The following RAB20 variants were observed in gnomAD, a reference collection of about 807,000 sequenced individuals.
RAB20 encodes RAB20, member RAS oncogene family.
Under a neutral mutation model 3.7 loss-of-function variants are expected in RAB20, and 2 were observed. The ratio of observed to expected loss-of-function variants is 0.54; its 90% CI spans 0.22 to 1.69. RAB20 has a LOEUF of 1.69. Ranked by LOEUF, RAB20 falls within the 40% of genes most tolerant of loss-of-function variation. The pLI, the probability that RAB20 is intolerant of heterozygous loss-of-function variation, is 0.19. For missense variants in RAB20, 276 were observed against 311.9 expected, an observed-to-expected ratio of 0.88 and a Z score of 0.87; for synonymous variants, 126 against 130.8, an observed-to-expected ratio of 0.96 and a Z score of 0.25.
chr13:110,527,059 A>G (rs1438612830), intron 1 of RAB20, among the ~76,000 whole-genome samples: 1 of 152,034 alleles, frequency 6.6e-6, no homozygotes, highest in Admixed American at 6.6e-5. Flanking sequence ...ACCTGCACAC[A>G]TGTGGCTCTC....
At chr13:110,524,928 A>T (rs1260961367) in intron 1 of RAB20, among the ~76,000 whole-genome samples, 2 of 152,244 alleles carry the variant, frequency 1.3e-5, no homozygotes. Context: ...GGTTTAAAAC[A>T]GACAGAGGTG....
intron 1 of RAB20, among the ~76,000 whole-genome samples, chr13:110,528,498 A>G (rs1458895783): frequency 6.6e-6 from 1 of 151,836 alleles, no homozygotes; most frequent in African/African-American, 2.4e-5. Context: ...TTTCAGGGAC[A>G]CTAATCCCAT....
intron 1 of RAB20, among the ~76,000 whole-genome samples, chr13:110,532,464 C>T (rs994225605): frequency 6.6e-6 from 1 of 151,602 alleles, no homozygotes; most frequent in African/African-American, 2.4e-5. Context: ...GCAAACTCCA[C>T]GTCCAGGGTT....
At chr13:110,526,007 G>C (rs1283934084) in intron 1 of RAB20, among the ~76,000 whole-genome samples, 1 of 152,244 alleles carries the variant, frequency 6.6e-6, no homozygotes, top group Non-Finnish European at 1.5e-5. Flanking sequence ...CACCTGCCGG[G>C]GGCACGCTTT....
chr13:110,533,911 AGCTAGCAG>A (rs1462781993), intron 1 of RAB20, among the ~76,000 whole-genome samples: 9 of 152,222 alleles, frequency 5.9e-5, no homozygotes, highest in Non-Finnish European at 1.3e-4. Flanking sequence ...GAAAGTGGAG[AGCTAGCAG>A]GCAAGGGCCC....
intron 1 of RAB20, among the ~76,000 whole-genome samples, chr13:110,546,402 A>T (rs1398637205): frequency 6.6e-6 from 1 of 152,232 alleles, no homozygotes; most frequent in Non-Finnish European, 1.5e-5. Context: ...CTGTGAGGGA[A>T]AGGTACAACC....
intron 1 of RAB20, among the ~76,000 whole-genome samples, chr13:110,557,345 T>G (rs1375670698): frequency 6.6e-6 from 1 of 152,108 alleles, no homozygotes; most frequent in South Asian, 2.1e-4. Context: ...GAAGAACAGA[T>G]AGGATGAGGG....
In RAB20 at chr13:110,523,576, T is replaced by A; in HGVS notation, c.*89A>T. 1 of 1,522,990 alleles carries A rather than the reference T, an allele frequency of 6.6e-7. No homozygotes were observed. The highest frequency in any genetic ancestry group is 8.8e-7 in the Non-Finnish European group (1 of 1,135,930). 94.3% of individuals were successfully genotyped at this position (1,522,990 alleles called of 1,614,324 possible). A position where few individuals can be genotyped will look rare whatever the true frequency, so the allele number is the denominator to read the frequency against. On this transcript the variant is annotated 3_prime_UTR_variant, in exon 2 of 2. Coordinates refer to ENST00000267328, the MANE Select transcript of RAB20 (RefSeq NM_017817.3). ...GGGTGTCATTCTGGAAAATAATTCC[T>A]TGCTGTTCCTTGCTCCTTTCAGATC...
chr13:110,557,584 T>C (rs1184380222), intron 1 of RAB20, among the ~76,000 whole-genome samples: 1 of 152,238 alleles, frequency 6.6e-6, no homozygotes, highest in Non-Finnish European at 1.5e-5. Context: ...CTATTCTGTC[T>C]GTCACAGCCT....
At chr13:110,531,201 G>A (rs1379038059) in intron 1 of RAB20, among the ~76,000 whole-genome samples, 2 of 152,150 alleles carry the variant, frequency 1.3e-5, no homozygotes, top group Non-Finnish European at 2.9e-5. Context: ...TGAGAAGCAC[G>A]CTGGCAACAG....
At chr13:110,550,630 T>C (rs1015847031) in intron 1 of RAB20, among the ~76,000 whole-genome samples, 1 of 152,170 alleles carries the variant, frequency 6.6e-6, no homozygotes, top group African/African-American at 2.4e-5. Context: ...GCTGTGGCGC[T>C]GTGAGAGCAG....
intron 1 of RAB20, among the ~76,000 whole-genome samples, chr13:110,552,525 C>G (rs1052218091): frequency 1.1e-4 from 16 of 151,644 alleles, no homozygotes; most frequent in Admixed American, 9.2e-4. Context: ...AACCCCGTCT[C>G]TACTAAAAAT....
rs561458419 is a variant in RAB20 at position 110,555,810 on chromosome 13, C to T, written c.172+5538G>A. 1.1e-4 allele frequency among the ~76,000 whole-genome samples: 16 copies of T among 152,314 alleles called. No homozygotes were observed. The highest frequency in any genetic ancestry group is 4.1e-4 in the South Asian group (2 of 4,828). ...CGACTTTTATTCTCACTCTTTACCA[C>T]GGCCACCGCGAGTGCCCCCAGCCTT... On this transcript the variant is annotated intron_variant, in intron 1 of 1. Coordinates refer to ENST00000267328, the MANE Select transcript of RAB20 (RefSeq NM_017817.3). The surrounding 1 kb of genome is among the most constrained non-coding windows in gnomAD (Gnocchi z 4.0).
At chr13:110,554,973 T>A (rs1885015284) in intron 1 of RAB20, among the ~76,000 whole-genome samples, 1 of 118,218 alleles carries the variant, frequency 8.5e-6, no homozygotes, top group Non-Finnish European at 1.7e-5. Context: ...GACCAAGCTG[T>A]GAAGCTGAGC....
chr13:110,544,863 C>T (rs1266455001), intron 1 of RAB20, among the ~76,000 whole-genome samples: 14 of 152,220 alleles, frequency 9.2e-5, no homozygotes, highest in Non-Finnish European at 1.5e-5. Context: ...TTGTATCTCC[C>T]AGAATTCCCA....
intron 1 of RAB20, among the ~76,000 whole-genome samples, chr13:110,545,479 G>A (rs902358818): frequency 7.2e-5 from 11 of 152,192 alleles, no homozygotes; most frequent in African/African-American, 2.2e-4. Context: ...ACTGGACTGC[G>A]TATTCTGTCT....
chr13:110,541,455 C>G (rs1011073119), intron 1 of RAB20, among the ~76,000 whole-genome samples: 1 of 152,224 alleles, frequency 6.6e-6, no homozygotes, highest in Non-Finnish European at 1.5e-5. Context: ...AGCCCAGGCA[C>G]AATAGCAATA....
At chr13:110,527,372 C>T (rs1260379447) in intron 1 of RAB20, among the ~76,000 whole-genome samples, 1 of 152,106 alleles carries the variant, frequency 6.6e-6, no homozygotes. Context: ...CTCCAGCTCC[C>T]CCTTCAGCAA....
chr13:110,559,195 C>A (rs1448629931), intron 1 of RAB20, among the ~76,000 whole-genome samples: 1 of 152,186 alleles, frequency 6.6e-6, no homozygotes, highest in Non-Finnish European at 1.5e-5. Flanking sequence ...CATCCTGTCG[C>A]CCTCTGCACA....
Sources: allele counts gnomAD v4.1 joint callset (sites outside exome capture counted in the v4.1 genomes callset), GRCh38; gene constraint gnomAD v4.1.1; non-coding constraint Gnocchi (gnomAD v3.1); transcripts MANE v1.5; gene names NCBI Gene and HGNC (gene_info 2026-07-23, HGNC 2026-07-21).